PCDHGB3: variants seen among roughly 807,000 people sequenced by gnomAD.
PCDHGB3 encodes the protein protocadherin gamma subfamily B, 3.
PCDHGB3 carries 40 observed loss-of-function variants against 59.2 expected under a neutral mutation model. The ratio of observed to expected loss-of-function variants is 0.68; its 90% CI spans 0.52 to 0.88. The LOEUF (loss-of-function observed/expected upper bound fraction) is 0.88, where lower values mean the gene tolerates loss of function less well. Ranked by LOEUF, PCDHGB3 falls within the 40% of genes least tolerant of loss-of-function variation. The probability of loss-of-function intolerance (pLI) is 0.00; values close to 1 mark genes in which losing one functional copy is unlikely to be tolerated. For synonymous variants in PCDHGB3, 581 were observed against 503.6 expected, an observed-to-expected ratio of 1.15 and a Z score of -2.06; for missense variants, 1,309 against 1,187.9, an observed-to-expected ratio of 1.10 and a Z score of -1.50.
chr5:141,376,378 G>A, intron 1 of PCDHGB3: 5 of 1,614,236 alleles, frequency 3.1e-6, no homozygotes, highest in Non-Finnish European at 4.2e-6. Context: ...ACTCGCGTAA[G>A]AGTCATCTGA....
chr5:141,419,578 G>C (rs1339676992), intron 1 of PCDHGB3: 1 of 1,611,722 alleles, frequency 6.2e-7, no homozygotes. Flanking sequence ...ACGGCTCCGC[G>C]CTCTTCGACA....
chr5:141,415,654 A>G, intron 1 of PCDHGB3: 1 of 1,573,242 alleles, frequency 6.4e-7, no homozygotes. Flanking sequence ...AAAAAAAAAG[A>G]TTGGTTTTTA....
At chr5:141,505,261 T>C in intron 2 of PCDHGB3, 132 bp from the exon 3 acceptor site, 1 of 1,505,282 alleles carries the variant, frequency 6.6e-7, no homozygotes. Context: ...GCCTCCTACC[T>C]TGCTGAGAGA....
At chr5:141,411,250 T>C (rs1009574489) in intron 1 of PCDHGB3, 1 of 152,156 alleles carries the variant, frequency 6.6e-6, no homozygotes, top group African/African-American at 2.4e-5. Context: ...ATTTACGATA[T>C]CTTATTTATA....
At chr5:141,434,117 G>T (rs2097672674) in intron 1 of PCDHGB3, among the ~76,000 whole-genome samples, 1 of 152,126 alleles carries the variant, frequency 6.6e-6, no homozygotes, top group African/African-American at 2.4e-5. Context: ...TGGCCTTTGG[G>T]ACTCCCTTTA....
chr5:141,394,202 G>A (rs1285720796), intron 1 of PCDHGB3: 2 of 1,613,832 alleles, frequency 1.2e-6, no homozygotes, highest in Non-Finnish European at 1.7e-6. Context: ...ATATCCTAGA[G>A]AACAACCTGA....
intron 1 of PCDHGB3, chr5:141,428,129 C>T (rs1449809875): frequency 1.2e-6 from 2 of 1,603,336 alleles, no homozygotes; most frequent in Non-Finnish European, 1.7e-6. Context: ...CCGGGCTTTT[C>T]AGCCTGGGGC....
At chr5:141,450,292 C>T (rs1310226132) in intron 1 of PCDHGB3, among the ~76,000 whole-genome samples, 2 of 152,066 alleles carry the variant, frequency 1.3e-5, no homozygotes, top group African/African-American at 2.4e-5. Context: ...GGATTACAGG[C>T]GTGAGCCACC....
rs920444759 is a variant in PCDHGB3, at chr5:141,432,767, C to G, written c.2415+59958C>G. On this transcript the variant is annotated intron_variant, in intron 1 of 3. Transcript: ENST00000576222. The surrounding 1 kb of genome is among the most constrained non-coding windows in gnomAD (Gnocchi z 6.0). ...CGTGGCCGTGGCCGACAGCATCCCC[C>G]AAGTCCTGGCGGACCTCGGCAGCCT... 2 of 1,614,058 alleles carry G rather than the reference C, an allele frequency of 1.2e-6. No individual in the cohort carries two copies. Among genetic ancestry groups the G allele is most frequent in the Admixed American group, 1.7e-5 (1 of 60,012 alleles).
chr5:141,491,110 C>T lies in PCDHGB3; in HGVS notation c.2416-3697C>T. On this transcript the variant is annotated intron_variant, in intron 1 of 3. Transcript: ENST00000576222. This position sits in a 1 kb window ranked among gnomAD's most constrained non-coding sequence, Gnocchi z 6.9. ...CCCAGGACTGTTCCTCGTGTCTACA[C>T]ACACTGGTGAGGTGCGCACAGCCCG... 3.7e-6 allele frequency: 6 copies of T among 1,614,212 alleles called. No individual in the cohort carries two copies. Among genetic ancestry groups the T allele is most frequent in the Non-Finnish European group, 5.1e-6 (6 of 1,180,024 alleles).
intron 1 of PCDHGB3, chr5:141,376,898 A>G (rs1251182955): frequency 5.2e-6 from 1 of 193,904 alleles, no homozygotes; most frequent in East Asian, 1.4e-4. Context: ...CTTGTTAGCC[A>G]GGATGGTCTC....
In PCDHGB3 at chr5:141,375,969, C is replaced by T. The variant is rs778872651; in HGVS notation, c.2415+3160C>T. 3 of 1,613,328 alleles carry T rather than the reference C, an allele frequency of 1.9e-6. No individual in the cohort carries two copies. The South Asian group carries it at 3.3e-5, about 18-fold the overall frequency. On this transcript the variant is annotated intron_variant, in intron 1 of 3. Transcript: ENST00000576222. ...CTGCACACGGGCGAGGTGCGCACGG[C>T]GCGCGCCCTGCTGGACAGAGACGCG...
intron 1 of PCDHGB3, among the ~76,000 whole-genome samples, chr5:141,445,778 T>G (rs1045010487): frequency 6.6e-6 from 1 of 152,190 alleles, no homozygotes; most frequent in East Asian, 1.9e-4. Context: ...TTAAAAGGGC[T>G]AGGGAGGCTA....
chr5:141,410,118 G>T (rs2095358965), intron 1 of PCDHGB3: 3 of 1,612,304 alleles, frequency 1.9e-6, no homozygotes, highest in East Asian at 4.5e-5. Context: ...GACGCAGCCC[G>T]CCAGCGCCTG....
intron 1 of PCDHGB3, among the ~76,000 whole-genome samples, chr5:141,444,880 G>A (rs527554886): frequency 6.6e-6 from 1 of 152,150 alleles, no homozygotes; most frequent in Non-Finnish European, 1.5e-5. Context: ...AAGCTTGTAG[G>A]ATTTTTGAAT....
chr5:141,433,192 A>G (rs756991371), intron 1 of PCDHGB3: 1 of 1,585,516 alleles, frequency 6.3e-7, no homozygotes, highest in Non-Finnish European at 8.6e-7. Flanking sequence ...AGGTGAGTTT[A>G]TATCAAATCT....
rs2099413746 is a variant in PCDHGB3, at chr5:141,477,589, G to A, written c.2416-17218G>A. ...ACCCCGACGCCCCGCAGAATGCTCGGCTTTCTTTCTTTCTCTTGGAGCAAG... is the reference window on the plus strand; with the variant it reads ...ACCCCGACGCCCCGCAGAATGCTCGACTTTCTTTCTTTCTCTTGGAGCAAG... On this transcript the variant is annotated intron_variant, in intron 1 of 3. Transcript: ENST00000576222. The surrounding 1 kb of genome is among the most constrained non-coding windows in gnomAD (Gnocchi z 4.9). 1 of 1,614,012 alleles carries A rather than the reference G, an allele frequency of 6.2e-7. No individual in the cohort carries two copies. The highest frequency in any genetic ancestry group is 1.1e-5 in the South Asian group (1 of 91,090).
chr5:141,383,276 T>G lies in PCDHGB3; in HGVS notation c.2415+10467T>G, dbSNP rs550293015. The G allele has an allele frequency of 3.8e-5, 61 of 1,613,822 alleles. No homozygotes were observed. The highest frequency in any genetic ancestry group is 5.1e-5 in the Non-Finnish European group (60 of 1,179,878). Reference sequence around the variant, plus strand: ...CCTATAGACGTGGAAATAATAGATATTAATGACAACGTTCCAAGATTCTTG... The same window carrying G: ...CCTATAGACGTGGAAATAATAGATAGTAATGACAACGTTCCAAGATTCTTG... On this transcript the variant is annotated intron_variant, in intron 1 of 3. Transcript: ENST00000576222.
intron 2 of PCDHGB3, among the ~76,000 whole-genome samples, chr5:141,501,109 C>T (rs909874167): frequency 2.0e-5 from 3 of 152,106 alleles, no homozygotes; most frequent in South Asian, 2.1e-4. Context: ...CCTCGTGATC[C>T]GCCTGCCTCA....
Sources: allele counts gnomAD v4.1 joint callset (sites outside exome capture counted in the v4.1 genomes callset), GRCh38; gene constraint gnomAD v4.1.1; non-coding constraint Gnocchi (gnomAD v3.1); transcripts MANE v1.5; gene names NCBI Gene and HGNC (gene_info 2026-07-23, HGNC 2026-07-21).